Variants in HEBP1 observed in about 807,000 individuals in gnomAD.
HEBP1 encodes the protein heme-binding protein 1.
HEBP1 carries 13 observed loss-of-function variants against 20.4 expected under a neutral mutation model. The observed-to-expected ratio is 0.64, with a 90% CI of 0.42 to 1.01. The LOEUF is 1.01. Among genes scored for constraint, HEBP1 ranks in the 50% least tolerant of loss-of-function variants. HEBP1 has a pLI of 0.00. For synonymous variants in HEBP1, 92 were observed against 90.7 expected (o/e 1.01, Z -0.08); for missense variants, 241 against 247.3 (o/e 0.97, Z 0.17).
intron 3 of HEBP1, chr12:12,979,290 G>A (rs1864043039): frequency 6.6e-6 from 1 of 152,152 alleles, no homozygotes; most frequent in African/African-American, 2.4e-5. Flanking sequence ...CTGAAATGCT[G>A]GTAATGCAGA....
chr12:13,000,037 C>T lies in HEBP1; in HGVS notation c.78G>A (p.Lys26=), dbSNP rs762131461. The T allele has an allele frequency of 6.8e-6, 11 of 1,608,896 alleles. No homozygotes were observed. The Admixed American group carries it at 1.8e-4, about 27-fold the overall frequency. Residue 26 remains lysine, a splice_region_variant and synonymous_variant, in exon 1 of 4, where the codon AAG becomes AAA. Transcript: ENST00000014930. ...GTCCTCGGCAGCCCTGCGGGCCTAC[C>T]TTGTCCCCTTTGCTTAGGACCTGCC... is the stretch of plus-strand genomic sequence containing the variant. ...WPWQVLSKGD[K]EEVAYEERAC...
At chr12:12,993,191 C>G (rs1864247598) in intron 1 of HEBP1, among the ~76,000 whole-genome samples, 1 of 115,158 alleles carries the variant, frequency 8.7e-6, no homozygotes, top group Non-Finnish European at 1.6e-5. Flanking sequence ...CTTTCTTTCT[C>G]TTTCTTACAG....
chr12:12,990,832 T>C (rs943002093), intron 1 of HEBP1, among the ~76,000 whole-genome samples: 3 of 152,082 alleles, frequency 2.0e-5, no homozygotes, highest in Admixed American at 6.6e-5. Context: ...GATCAGTGCG[T>C]GAGATATTTT....
intron 1 of HEBP1, among the ~76,000 whole-genome samples, chr12:12,993,848 A>T (rs1409372903): frequency 6.6e-6 from 1 of 152,188 alleles, no homozygotes; most frequent in Non-Finnish European, 1.5e-5. Flanking sequence ...TGATATTTTT[A>T]GGGGGCAAGG....
chr12:12,975,765 A>C (rs535280579), intron 3 of HEBP1, among the ~76,000 whole-genome samples: 1 of 152,328 alleles, frequency 6.6e-6, no homozygotes, highest in Non-Finnish European at 1.5e-5. Flanking sequence ...GTAGCTGAGT[A>C]TAAACGTGAG....
Position 13,000,229 on chromosome 12 carries a change from G to GCAGGGCGGCAGGGCGA in HEBP1, c.-116_-115insTCGCCCTGCCGCCCTG. 3 of 384,248 alleles carry GCAGGGCGGCAGGGCGA rather than the reference G, an allele frequency of 7.8e-6. No homozygotes were observed. The highest frequency in any genetic ancestry group is 1.4e-5 in the Non-Finnish European group (3 of 217,328). The allele number at this position is 384,248 out of a possible 1,614,324, so 23.8% of individuals were successfully genotyped here. Reference sequence around the variant, plus strand: ...GGCAGGGCGGCAGGGCGGCAGGGCGGCAGGGTGGCAGGGCGGCAAGGCGGC... The same window carrying GCAGGGCGGCAGGGCGA: ...GGCAGGGCGGCAGGGCGGCAGGGCGGCAGGGCGGCAGGGCGACAGGGTGGCAGGGCGGCAAGGCGGC... On this transcript the variant is annotated 5_prime_UTR_variant, in exon 1 of 4. Coordinates refer to ENST00000014930, the MANE Select transcript of HEBP1 (RefSeq NM_015987.5).
intron 3 of HEBP1, among the ~76,000 whole-genome samples, chr12:12,981,187 AG>A (rs1864077433): frequency 6.6e-6 from 1 of 152,180 alleles, no homozygotes; most frequent in South Asian, 2.1e-4. Flanking sequence ...ACATTGGAAC[AG>A]GGTGGGTAGG....
chr12:12,992,676 T>G (rs561876726), intron 1 of HEBP1, among the ~76,000 whole-genome samples: 1 of 152,334 alleles, frequency 6.6e-6, no homozygotes, highest in African/African-American at 2.4e-5. Flanking sequence ...CTGGTGAATC[T>G]GACACTTCCA....
chr12:12,992,280 A>C (rs1825424505), intron 1 of HEBP1, among the ~76,000 whole-genome samples: 1 of 152,120 alleles, frequency 6.6e-6, no homozygotes, highest in African/African-American at 2.4e-5. Flanking sequence ...CTCTGCTAAG[A>C]GCAACCTTCA....
rs371359288 is a variant in HEBP1 at position 12,997,301 on chromosome 12, A to G, written c.78+2736T>C. Reference sequence around the variant, plus strand: ...AACAGGAAACAGAAACTACTAGAGTATTTAGAGCAGAAGCACTTCGATGCA... The same window carrying G: ...AACAGGAAACAGAAACTACTAGAGTGTTTAGAGCAGAAGCACTTCGATGCA... On this transcript the variant is annotated intron_variant, in intron 1 of 3. Coordinates refer to ENST00000014930, the MANE Select transcript of HEBP1 (RefSeq NM_015987.5). Among the ~76,000 whole-genome samples, 4 of 152,334 alleles carry G rather than the reference A, an allele frequency of 2.6e-5. 1 individual carries two copies. Among genetic ancestry groups the G allele is most frequent in the African/African-American group, 9.6e-5 (4 of 41,570 alleles).
intron 3 of HEBP1, among the ~76,000 whole-genome samples, chr12:12,979,190 A>G (rs1305941379): frequency 6.6e-6 from 1 of 152,236 alleles, no homozygotes; most frequent in Admixed American, 6.5e-5. Context: ...GAAACCCAGC[A>G]GAGAGTGAGA....
intron 2 of HEBP1, among the ~76,000 whole-genome samples, chr12:12,988,825 C>T (rs1217418621): frequency 1.3e-5 from 2 of 152,120 alleles, no homozygotes; most frequent in Non-Finnish European, 2.9e-5. Context: ...GGGTCTGGAA[C>T]CTCACTGCTC....
chr12:12,981,288 T>C (rs1312098812), intron 3 of HEBP1, among the ~76,000 whole-genome samples: 1 of 152,008 alleles, frequency 6.6e-6, no homozygotes, highest in African/African-American at 2.4e-5. Flanking sequence ...ACATGCTGAT[T>C]TGGGAGATAC....
At chr12:12,988,012 G>C (rs1197823194) in intron 2 of HEBP1, among the ~76,000 whole-genome samples, 1 of 152,124 alleles carries the variant, frequency 6.6e-6, no homozygotes, top group Non-Finnish European at 1.5e-5. Context: ...ATTCATTACA[G>C]CAGAATTATA....
Position 12,975,450 on chromosome 12 carries a change from T to G in HEBP1, c.428A>C (p.Asp143Ala). The change falls in exon 4 of 4, where the codon GAC becomes GCC. Residue 143 changes from aspartate (D) to alanine (A), a missense_variant. Physicochemically the swap from Asp to Ala is moderately radical, Grantham distance 126. Transcript: ENST00000014930. The part of the protein sequence containing the change: ...MQFGGYAKEA[D>A]YVAQATRLRA... The stretch of plus-strand genomic sequence containing the variant: ...CAGACGGGTGGCTTGTGCTACGTAG[T>G]CTGCTTCCTTGGCATAACCACCAAA... The G allele has an allele frequency of 6.2e-7, 1 of 1,609,818 alleles. No individual in the cohort carries two copies.
At chr12:12,993,311 A>T (rs940069493) in intron 1 of HEBP1, among the ~76,000 whole-genome samples, 1 of 152,108 alleles carries the variant, frequency 6.6e-6, no homozygotes, top group African/African-American at 2.4e-5. Context: ...AGTAGCTGGG[A>T]CTACAGGTGT....
chr12:12,988,450 A>G (rs554779888), intron 2 of HEBP1, among the ~76,000 whole-genome samples: 1 of 152,336 alleles, frequency 6.6e-6, no homozygotes, highest in African/African-American at 2.4e-5. Context: ...TTAAGTAAGT[A>G]AAGGAATAAA....
At chr12:12,978,483 G>A (rs1326671577) in intron 3 of HEBP1, among the ~76,000 whole-genome samples, 1 of 152,074 alleles carries the variant, frequency 6.6e-6, no homozygotes, top group Admixed American at 6.5e-5. Flanking sequence ...GATTACAGGT[G>A]TGAGCCACCA....
Position 12,986,009 on chromosome 12 carries a change from G to A in HEBP1, c.398+1143C>T, listed in dbSNP as rs1306518574. The A allele has an allele frequency of 6.6e-6, 1 of 152,218 alleles. No individual in the cohort carries two copies. Among genetic ancestry groups the A allele is most frequent in the East Asian group, 1.9e-4 (1 of 5,194 alleles). The allele number at this position is 152,218 out of a possible 1,614,324, so 9.4% of individuals were successfully genotyped here. On this transcript the variant is annotated intron_variant, in intron 3 of 3. Transcript: ENST00000014930. The surrounding 1 kb of genome is among the most constrained non-coding windows in gnomAD (Gnocchi z 4.3). ...ACTCTCAGTCCCCATCCTGCACTTG[G>A]ACAGCTGTGAGAGTGAGTGCTTCCT...
Sources: allele counts gnomAD v4.1 joint callset (sites outside exome capture counted in the v4.1 genomes callset), GRCh38; gene constraint gnomAD v4.1.1; non-coding constraint Gnocchi (gnomAD v3.1); transcripts MANE v1.5; gene names NCBI Gene and HGNC (gene_info 2026-07-23, HGNC 2026-07-21).